Variants in TOGARAM2 observed in about 807,000 individuals in gnomAD.
The protein encoded by TOGARAM2 is TOG array regulator of axonemal microtubules 2.
Under a neutral mutation model 93.3 loss-of-function variants are expected in TOGARAM2, and 85 were observed. The observed-to-expected ratio is 0.91, with a 90% CI of 0.76 to 1.09. The LOEUF is 1.09. Ranked by LOEUF, TOGARAM2 falls within the 50% of genes least tolerant of loss-of-function variation. The probability of loss-of-function intolerance (pLI) is 0.00; values close to 1 mark genes in which losing one functional copy is unlikely to be tolerated. For missense variants in TOGARAM2, 1,277 were observed against 1,334.5 expected (o/e 0.96, Z 0.67); for synonymous variants, 593 against 552.8 (o/e 1.07, Z -1.02).
chr2:29,039,508 T>C (rs1246186821), intron 18 of TOGARAM2, among the ~76,000 whole-genome samples: 2 of 152,110 alleles, frequency 1.3e-5, no homozygotes, highest in East Asian at 1.9e-4. Flanking sequence ...ACTCACTAAT[T>C]CTAGAATTCA....
upstream of TOGARAM2, among the ~76,000 whole-genome samples, chr2:28,977,284 G>A (rs933273687): frequency 6.6e-6 from 1 of 152,158 alleles, no homozygotes; most frequent in Non-Finnish European, 1.5e-5. Context: ...TAGCCTGGGG[G>A]CACCTTATCC....
intron 14 of TOGARAM2, among the ~76,000 whole-genome samples, chr2:29,030,920 A>T (rs1051371979): frequency 2.0e-5 from 3 of 152,272 alleles, no homozygotes; most frequent in African/African-American, 7.2e-5. Context: ...GAGTGTCCCT[A>T]AATGAACTCA....
At chr2:29,049,958 A>G (rs1347967989) in intron 19 of TOGARAM2, 1 of 152,170 alleles carries the variant, frequency 6.6e-6, no homozygotes, top group Non-Finnish European at 1.5e-5. Flanking sequence ...GTTCCTCCTT[A>G]TTCCAGGCTG....
intron 6 of TOGARAM2, among the ~76,000 whole-genome samples, chr2:29,007,462 C>T (rs892141327): frequency 6.6e-6 from 1 of 152,134 alleles, no homozygotes; most frequent in Non-Finnish European, 1.5e-5. Context: ...TCCATAGCCC[C>T]CAAGTCTTTC....
intron 2 of TOGARAM2, among the ~76,000 whole-genome samples, chr2:28,997,306 G>C (rs1176989604): frequency 6.6e-6 from 1 of 152,270 alleles, no homozygotes; most frequent in Non-Finnish European, 1.5e-5. Flanking sequence ...GCTTCTTAAA[G>C]GAGCGCATGC....
chr2:29,008,290 A>G (rs1333291063), intron 6 of TOGARAM2, among the ~76,000 whole-genome samples: 3 of 151,428 alleles, frequency 2.0e-5, no homozygotes, highest in Non-Finnish European at 4.4e-5. Context: ...AGCTGAGACT[A>G]CAGGAGCATG....
At chr2:29,030,279 AAAAT>A (rs572407738) in intron 14 of TOGARAM2, among the ~76,000 whole-genome samples, 285 of 152,342 alleles carry the variant, frequency 1.9e-3, no homozygotes, top group Middle Eastern at 6.8e-3. Flanking sequence ...CTGTCTCAAA[AAAAT>A]AAATAAATAA....
intron 1 of TOGARAM2, among the ~76,000 whole-genome samples, chr2:28,959,014 C>T (rs1045326905): frequency 2.0e-5 from 3 of 152,074 alleles, no homozygotes; most frequent in Non-Finnish European, 4.4e-5. Flanking sequence ...TGACTGTAGC[C>T]CAGCAGCAGG....
chr2:29,014,918 G>A (rs921440594), intron 8 of TOGARAM2, among the ~76,000 whole-genome samples: 5 of 152,128 alleles, frequency 3.3e-5, no homozygotes, highest in African/African-American at 9.7e-5. Flanking sequence ...GGTGAACTGC[G>A]CTGCGTGGTT....
At chr2:28,966,021 AG>A (rs1271746727) in intron 1 of TOGARAM2, among the ~76,000 whole-genome samples, 3 of 150,382 alleles carry the variant, frequency 2.0e-5, no homozygotes, top group African/African-American at 7.3e-5. Flanking sequence ...GGGCTCACTT[AG>A]CTTATTTTTT....
At chr2:28,964,468 G>GTT (rs35630231) in intron 1 of TOGARAM2, among the ~76,000 whole-genome samples, 222 of 137,224 alleles carry the variant, frequency 1.6e-3, no homozygotes, top group Middle Eastern at 0.011. Flanking sequence ...ATTGGGTCTT[G>GTT]TTTTTTTTTT....
chr2:29,002,531 T>C lies in TOGARAM2; in HGVS notation c.428-5T>C, dbSNP rs1187495103. On this transcript the variant is annotated splice_polypyrimidine_tract_variant and splice_region_variant and intron_variant, in intron 4 of 19. Transcript: ENST00000379558. ...AACTGATTTCCCATCCCCATCCCTG[T>C]ACAGCCTCTCTGGATCCAGGGGGAG... The C allele has an allele frequency of 6.2e-7, 1 of 1,612,428 alleles. No homozygotes were observed. Among genetic ancestry groups the C allele is most frequent in the Non-Finnish European group, 8.5e-7 (1 of 1,179,344 alleles).
At chr2:29,005,284 G>A (rs1335934683) in intron 6 of TOGARAM2, among the ~76,000 whole-genome samples, 1 of 138,324 alleles carries the variant, frequency 7.2e-6, no homozygotes, top group Non-Finnish European at 1.6e-5. Flanking sequence ...GTGTGCATAT[G>A]TGTGTGTGTG....
At chr2:28,960,629 A>C in intron 1 of TOGARAM2, among the ~76,000 whole-genome samples, 1 of 152,316 alleles carries the variant, frequency 6.6e-6, no homozygotes, top group Non-Finnish European at 1.5e-5. Flanking sequence ...AATGAGCCAC[A>C]TGCTGGATTA....
intron 13 of TOGARAM2, 74 bp from the exon 14 acceptor site, chr2:29,026,779 A>T (rs759827330): frequency 1.4e-4 from 204 of 1,409,348 alleles, no homozygotes; most frequent in Non-Finnish European, 1.9e-4. Context: ...GCAATGGTAG[A>T]TCCATGTTTG....
chr2:29,023,271 G>A, intron 12 of TOGARAM2, 80 bp downstream of exon 12: 3 of 1,219,046 alleles, frequency 2.5e-6, no homozygotes, highest in Non-Finnish European at 3.5e-6. Context: ...CTGTGGAGGG[G>A]CTGTGGCTTC....
Position 29,024,191 on chromosome 2 carries a change from A to T in TOGARAM2, c.1670A>T (p.Asp557Val). The T allele has an allele frequency of 6.2e-7, 1 of 1,602,778 alleles. No individual in the cohort carries two copies. The highest frequency in any genetic ancestry group is 8.5e-7 in the Non-Finnish European group (1 of 1,174,596). Reference protein sequence around the residue: ...VSHLAISTLGDLFQALKKNMD... With the variant: ...VSHLAISTLGVLFQALKKNMD... ...CACCTGGCCATCAGCACCTTGGGAG[A>T]CCTCTTCCAGGCCTTGAAGAAGAAT... The change falls in exon 13 of 20, where the codon GAC becomes GTC. Residue 557 changes from aspartate (D) to valine (V), a missense_variant. Transcript: ENST00000379558.
intron 12 of TOGARAM2, 77 bp from the exon 13 acceptor site, chr2:29,024,062 G>A: frequency 2.4e-6 from 3 of 1,254,130 alleles, no homozygotes; most frequent in Non-Finnish European, 3.4e-6. Context: ...AGAGGGTGGT[G>A]CAGGGCCCAT....
Position 29,051,949 on chromosome 2 carries a change from C to CGCCA in TOGARAM2, c.2925_2928dup (p.Lys977AlafsTer25). 1 of 1,608,336 alleles carries CGCCA rather than the reference C, an allele frequency of 6.2e-7. No homozygotes were observed. Among genetic ancestry groups the CGCCA allele is most frequent in the Non-Finnish European group, 8.5e-7 (1 of 1,177,780 alleles). On this transcript the variant is annotated frameshift_variant, in exon 20 of 20. Coordinates refer to ENST00000379558, the MANE Select transcript of TOGARAM2 (RefSeq NM_199280.4). LOFTEE classifies it low-confidence loss of function (END_TRUNC). ...TGGGCTCCCGCCTGCTGGACTTTGC[C>CGCCA]GCCAGCCAGCCAAAGCACGTCCTCA...
Sources: gnomAD v4.1 joint callset for allele counts (sites outside exome capture counted in the v4.1 genomes callset) on GRCh38, gnomAD v4.1.1 for gene constraint, MANE v1.5 for transcripts, NCBI Gene and HGNC (gene_info 2026-07-23, HGNC 2026-07-21) for gene names.